CLEC2L: variants seen among roughly 807,000 people sequenced by gnomAD.
CLEC2L encodes C-type lectin domain family 2, member L.
CLEC2L carries 14 observed loss-of-function variants against 23.6 expected under a neutral mutation model. The ratio of observed to expected loss-of-function variants is 0.59; its 90% CI spans 0.39 to 0.93. CLEC2L has a LOEUF of 0.93. Ranked by LOEUF, CLEC2L falls within the 40% of genes least tolerant of loss-of-function variation. The pLI is 0.00. For synonymous variants in CLEC2L, 114 were observed against 121.3 expected (o/e 0.94, Z 0.40); for missense variants, 264 against 282.4 (o/e 0.93, Z 0.47).
chr7:139,523,825 C>G lies in CLEC2L; in HGVS notation c.-103C>G, dbSNP rs1797464322. 9.0e-6 allele frequency: 7 copies of G among 775,562 alleles called. No individual in the cohort carries two copies. Among genetic ancestry groups the G allele is most frequent in the Non-Finnish European group, 1.1e-5 (7 of 640,680 alleles). The allele number at this position is 775,562 out of a possible 1,614,324, so 48.0% of individuals were successfully genotyped here. On this transcript the variant is annotated 5_prime_UTR_variant, in exon 1 of 5. Transcript: ENST00000422142. This position sits in a 1 kb window ranked among gnomAD's most constrained non-coding sequence, Gnocchi z 4.1. ...GCCGCGGTCCTAGCCCACCCGAGGCCGGCCTGGGGGGCCCGCAGGGCGCGC... is the reference window on the plus strand; with the variant it reads ...GCCGCGGTCCTAGCCCACCCGAGGCGGGCCTGGGGGGCCCGCAGGGCGCGC...
intron 4 of CLEC2L, 124 bp downstream of exon 4, chr7:139,542,245 G>T (rs1797746394): frequency 1.6e-6 from 1 of 638,792 alleles, no homozygotes; most frequent in African/African-American, 1.9e-5. Flanking sequence ...CTAGTCTCGG[G>T]GTCCAGCAGT....
At chr7:139,544,174 G>A (rs768458404) in intron 4 of CLEC2L, 57 bp from the exon 5 acceptor site, 133 of 1,355,300 alleles carry the variant, frequency 9.8e-5, no homozygotes, top group Middle Eastern at 1.8e-4. Flanking sequence ...CCCTGCCACT[G>A]GGTTTTGGGC....
At chr7:139,528,093 G>A (rs997618706) in intron 1 of CLEC2L, among the ~76,000 whole-genome samples, 1 of 152,076 alleles carries the variant, frequency 6.6e-6, no homozygotes, top group African/African-American at 2.4e-5. Flanking sequence ...TCTAATATGG[G>A]CCATGGCATA....
chr7:139,530,142 C>A (rs1797559509), intron 1 of CLEC2L, among the ~76,000 whole-genome samples: 2 of 151,842 alleles, frequency 1.3e-5, no homozygotes, highest in African/African-American at 2.4e-5. Context: ...CAGGATTGCA[C>A]CACTGTACTC....
At position 139,540,130 on chromosome 7, in the gene CLEC2L, C is replaced by T. The variant is rs1210642457; in HGVS notation, c.266-191C>T. 3.4e-6 allele frequency: 2 copies of T among 588,980 alleles called. No individual in the cohort carries two copies. The highest frequency in any genetic ancestry group is 1.9e-5 in the African/African-American group (1 of 53,564). The allele number at this position is 588,980 out of a possible 1,614,324, so 36.5% of individuals were successfully genotyped here. A position where few individuals can be genotyped will look rare whatever the true frequency, so the allele number is the denominator to read the frequency against. On this transcript the variant is annotated intron_variant, in intron 2 of 4. Transcript: ENST00000422142. The surrounding 1 kb of genome is among the most constrained non-coding windows in gnomAD (Gnocchi z 5.8). ...CTTCCCGTCGTGATGATGCCCCTGC[C>T]AGGCTTCCCACAGTCCCCTTTCTCA... is the stretch of plus-strand genomic sequence containing the variant.
chr7:139,538,276 T>C (rs989459012), intron 2 of CLEC2L, among the ~76,000 whole-genome samples: 7 of 149,498 alleles, frequency 4.7e-5, no homozygotes, highest in Non-Finnish European at 7.4e-5. Context: ...CTACTAAAAA[T>C]ACAAAAATTA....
rs761566053 is a variant in CLEC2L, at chr7:139,544,211, GTCT to G, written c.534-16_534-14del. 4 of 1,587,830 alleles carry G rather than the reference GTCT, an allele frequency of 2.5e-6. No individual in the cohort carries two copies. The highest frequency in any genetic ancestry group is 3.4e-6 in the Non-Finnish European group (4 of 1,160,088). ...GAATGTTCCAGATCATAAACGCCTGGTCTTCTCTCCTGGCCACAGGTTCACCAT... is the reference window on the plus strand; with the variant it reads ...GAATGTTCCAGATCATAAACGCCTGGTCTCTCCTGGCCACAGGTTCACCAT... On this transcript the variant is annotated splice_polypyrimidine_tract_variant and intron_variant, in intron 4 of 4. Coordinates refer to ENST00000422142, the MANE Select transcript of CLEC2L (RefSeq NM_001080511.4).
At chr7:139,531,500 G>A (rs1034159189) in intron 1 of CLEC2L, among the ~76,000 whole-genome samples, 32 of 152,146 alleles carry the variant, frequency 2.1e-4, no homozygotes, top group Admixed American at 2.1e-3. Context: ...AACAAGAGGG[G>A]AAAATAAGAT....
At chr7:139,534,082 A>G (rs1446454249) in intron 1 of CLEC2L, among the ~76,000 whole-genome samples, 9 of 152,212 alleles carry the variant, frequency 5.9e-5, no homozygotes, top group African/African-American at 1.7e-4. Context: ...ATGCAAACCA[A>G]CAAGTATTGG....
chr7:139,523,912 C>T lies in CLEC2L; in HGVS notation c.-16C>T. 1 of 977,838 alleles carries T rather than the reference C, an allele frequency of 1.0e-6. No individual in the cohort carries two copies. Among genetic ancestry groups the T allele is most frequent in the Non-Finnish European group, 1.2e-6 (1 of 826,444 alleles). 60.6% of individuals were successfully genotyped at this position (977,838 alleles called of 1,614,324 possible). On this transcript the variant is annotated 5_prime_UTR_variant, in exon 1 of 5. Coordinates refer to ENST00000422142, the MANE Select transcript of CLEC2L (RefSeq NM_001080511.4). This position sits in a 1 kb window ranked among gnomAD's most constrained non-coding sequence, Gnocchi z 4.1. Reference sequence around the variant, plus strand: ...CCGGTGCAGGAGCGCGGGCGCGGCGCGGCGGAGCGCCCCGCATGGAGCCGG... The same window carrying T: ...CCGGTGCAGGAGCGCGGGCGCGGCGTGGCGGAGCGCCCCGCATGGAGCCGG...
Position 139,540,246 on chromosome 7 carries a change from G to A in CLEC2L, c.266-75G>A, listed in dbSNP as rs34334721. The A allele has an allele frequency of 0.21, 312,389 of 1,466,030 alleles. 35,179 individuals are homozygous for A. Among genetic ancestry groups the A allele is most frequent in the Admixed American group, 0.23 (11,818 of 50,518 alleles). The allele number at this position is 1,466,030 out of a possible 1,614,324, so 90.8% of individuals were successfully genotyped here. ...TGCAGGACGCCAAAGCTGAGGCAGG[G>A]GAGGGAGCCACAGAAAGCAGAGTGG... On this transcript the variant is annotated intron_variant, in intron 2 of 4. Transcript: ENST00000422142. The surrounding 1 kb of genome is among the most constrained non-coding windows in gnomAD (Gnocchi z 5.8).
chr7:139,534,380 T>C, intron 1 of CLEC2L: 1 of 930,936 alleles, frequency 1.1e-6, no homozygotes, highest in Admixed American at 1.7e-5. Flanking sequence ...ATCCCAACAG[T>C]CCCTCTATCA....
rs1797781519 is a variant in CLEC2L at position 139,544,496 on chromosome 7, C to T, written c.*154C>T. ...CAGGCCCCTCTCCCAGGCCCTGGCG[C>T]TCTGAGTCCCTGGTTCCTGGCCTCC... is the stretch of plus-strand genomic sequence containing the variant. On this transcript the variant is annotated 3_prime_UTR_variant, in exon 5 of 5. Coordinates refer to ENST00000422142, the MANE Select transcript of CLEC2L (RefSeq NM_001080511.4). 2 of 604,462 alleles carry T rather than the reference C, an allele frequency of 3.3e-6. No individual in the cohort carries two copies. The highest frequency in any genetic ancestry group is 5.9e-6 in the Non-Finnish European group (2 of 340,686). The allele number at this position is 604,462 out of a possible 1,614,324, so 37.4% of individuals were successfully genotyped here.
chr7:139,527,761 GAA>G, intron 1 of CLEC2L, among the ~76,000 whole-genome samples: 1 of 152,134 alleles, frequency 6.6e-6, no homozygotes, highest in African/African-American at 2.4e-5. Flanking sequence ...CACCGATTCT[GAA>G]TTTTTAATGT....
intron 1 of CLEC2L, among the ~76,000 whole-genome samples, chr7:139,533,973 T>C (rs1223762954): frequency 6.6e-6 from 1 of 152,144 alleles, no homozygotes; most frequent in African/African-American, 2.4e-5. Context: ...ACAATGTAAC[T>C]GTACTTAACT....
At chr7:139,536,181 TC>T (rs920432333) in intron 1 of CLEC2L, 92 bp from the exon 2 acceptor site, 77 of 915,182 alleles carry the variant, frequency 8.4e-5, no homozygotes, top group Non-Finnish European at 1.2e-4. Context: ...GGGCTCTACC[TC>T]CCCCTGTTTC....
chr7:139,525,135 G>T (rs1444293735), intron 1 of CLEC2L, among the ~76,000 whole-genome samples: 1 of 152,138 alleles, frequency 6.6e-6, no homozygotes, highest in Admixed American at 6.5e-5. Context: ...TGAAGGGCCA[G>T]CCAGGCCTTG....
At position 139,542,412 on chromosome 7, in the gene CLEC2L, C is replaced by A. The variant is rs529326979; in HGVS notation, c.533+291C>A. On this transcript the variant is annotated intron_variant, in intron 4 of 4. Transcript: ENST00000422142. ...TGAGTCCCTGATCTGTGCAGCCTGG[C>A]GCTTGTCGGCTCCACTCAGTGTGGC... is the stretch of plus-strand genomic sequence containing the variant. 6.2e-4 allele frequency among the ~76,000 whole-genome samples: 94 copies of A among 152,336 alleles called. 2 individuals are homozygous for A. Among genetic ancestry groups the A allele is most frequent in the African/African-American group, 2.1e-3 (88 of 41,584 alleles).
At chr7:139,538,972 C>T (rs985437472) in intron 2 of CLEC2L, among the ~76,000 whole-genome samples, 2 of 152,112 alleles carry the variant, frequency 1.3e-5, no homozygotes, top group African/African-American at 4.8e-5. Flanking sequence ...GAAATGTAGC[C>T]ACACCATGGT....
Sources: gnomAD v4.1 joint callset for allele counts (sites outside exome capture counted in the v4.1 genomes callset) on GRCh38, gnomAD v4.1.1 for gene constraint, Gnocchi (gnomAD v3.1) non-coding constraint, MANE v1.5 for transcripts, NCBI Gene and HGNC (gene_info 2026-07-23, HGNC 2026-07-21) for gene names.